Variants in G3BP2 observed in about 807,000 individuals in gnomAD.
The protein encoded by G3BP2 is ras GTPase-activating protein-binding protein 2.
Under a neutral mutation model 56.7 loss-of-function variants are expected in G3BP2, and 11 were observed. The ratio of observed to expected loss-of-function variants is 0.19; its 90% CI spans 0.12 to 0.32. The LOEUF (loss-of-function observed/expected upper bound fraction) is 0.32, where lower values mean the gene tolerates loss of function less well. Among genes scored for constraint, G3BP2 ranks in the 10% least tolerant of loss-of-function variants. The pLI, the probability that G3BP2 is intolerant of heterozygous loss-of-function variation, is 1.00. For synonymous variants in G3BP2, 165 were observed against 191.6 expected, an observed-to-expected ratio of 0.86 and a Z score of 1.15; for missense variants, 340 against 610.9, an observed-to-expected ratio of 0.56 and a Z score of 4.67.
upstream of G3BP2, chr4:75,673,464 G>T: frequency 8.1e-7 from 1 of 1,232,190 alleles, no homozygotes; most frequent in Non-Finnish European, 1.0e-6. Flanking sequence ...TGCCGAAAGG[G>T]CCAGGGAACC....
upstream of G3BP2, chr4:75,673,427 C>G: frequency 1.6e-6 from 2 of 1,232,252 alleles, no homozygotes; most frequent in South Asian, 8.2e-5. Context: ...CCCCCTTTGC[C>G]ACCGCCCCCT....
At chr4:75,665,594 T>C (rs1156772296) in intron 1 of G3BP2, among the ~76,000 whole-genome samples, 2 of 151,210 alleles carry the variant, frequency 1.3e-5, no homozygotes, top group Non-Finnish European at 2.9e-5. Context: ...TAGCCAGACA[T>C]GGTGGTGCAC....
At chr4:75,652,217 T>C (rs956374199) in intron 8 of G3BP2, among the ~76,000 whole-genome samples, 4 of 152,202 alleles carry the variant, frequency 2.6e-5, no homozygotes, top group African/African-American at 7.2e-5. Flanking sequence ...AATATGAAGG[T>C]ATTTTTCTGG....
In G3BP2 at chr4:75,643,295, T is replaced by TTATATATATATATATATA. The variant is rs6148524; in HGVS notation, c.*2117_*2134dup. The stretch of plus-strand genomic sequence containing the variant: ...GCAGGGCAATATCCTGAATTGGAAA[T>TTATATATATATATATATA]TATATATATATATATATATATGGAA... On this transcript the variant is annotated 3_prime_UTR_variant, in exon 12 of 12. Coordinates refer to ENST00000359707, the MANE Select transcript of G3BP2 (RefSeq NM_203505.3). 6.8e-3 allele frequency: 679 copies of TTATATATATATATATATA among 99,828 alleles called. 55 individuals are homozygous for TTATATATATATATATATA. The highest frequency in any genetic ancestry group is 0.01 in the Non-Finnish European group (478 of 46,240). The allele number at this position is 99,828 out of a possible 1,614,324, so 6.2% of individuals were successfully genotyped here. A position where few individuals can be genotyped will look rare whatever the true frequency, so the allele number is the denominator to read the frequency against.
At chr4:75,698,272 G>A (rs1338368996) in intron 3 of G3BP2, among the ~76,000 whole-genome samples, 2 of 152,150 alleles carry the variant, frequency 1.3e-5, no homozygotes, top group Middle Eastern at 3.2e-3. Context: ...AGCCAGTGAA[G>A]GAGATATAAT....
chr4:75,652,081 G>A (rs766698261), intron 8 of G3BP2, among the ~76,000 whole-genome samples: 11 of 152,084 alleles, frequency 7.2e-5, no homozygotes, highest in African/African-American at 7.2e-5. Context: ...ACATTAGAAC[G>A]TTCTTTTAAA....
chr4:75,715,218 A>G (rs1377158717), intron 3 of G3BP2, among the ~76,000 whole-genome samples: 3 of 152,332 alleles, frequency 2.0e-5, no homozygotes, highest in African/African-American at 4.8e-5. Context: ...CAGAGGCTCA[A>G]ATGTTTGCCG....
intron 1 of G3BP2, among the ~76,000 whole-genome samples, chr4:75,667,128 A>G (rs111703381): frequency 0.01 from 1,532 of 152,198 alleles, 27 homozygotes; most frequent in African/African-American, 0.035. Flanking sequence ...CTCTACTAAA[A>G]AATACAAAAA....
Position 75,644,226 on chromosome 4 carries a change from T to C in G3BP2, c.*1204A>G, listed in dbSNP as rs1240714253. The stretch of plus-strand genomic sequence containing the variant: ...GACTTTTCCAAGCCCTGAAGTGATA[T>C]GTTTCAACGTCCACATTCAGGCTAA... On this transcript the variant is annotated 3_prime_UTR_variant, in exon 12 of 12. Coordinates refer to ENST00000359707, the MANE Select transcript of G3BP2 (RefSeq NM_203505.3). 6.6e-6 allele frequency: 1 copy of C among 152,550 alleles called. No homozygotes were observed. The highest frequency in any genetic ancestry group is 1.5e-5 in the Non-Finnish European group (1 of 68,026). The allele number at this position is 152,550 out of a possible 1,614,324, so 9.4% of individuals were successfully genotyped here. A position where few individuals can be genotyped will look rare whatever the true frequency, so the allele number is the denominator to read the frequency against.
intron 3 of G3BP2, among the ~76,000 whole-genome samples, chr4:75,716,517 TTTG>T (rs1403007255): frequency 6.7e-6 from 1 of 150,278 alleles, no homozygotes; most frequent in African/African-American, 2.5e-5. Flanking sequence ...TTGTTTTGTT[TTTG>T]TTGTTGTTTT....
At position 75,655,769 on chromosome 4, in the gene G3BP2, TCA is replaced by T; in HGVS notation, c.542_543del (p.Val181AspfsTer2). On this transcript the variant is annotated frameshift_variant and splice_region_variant, in exon 6 of 12. Transcript: ENST00000359707. LOFTEE classifies it high-confidence loss of function. Reference sequence around the variant, plus strand: ...TAACCTTGCAAATAGTATGCTTACGTCACAGGGTGAGCTTCATAGTAACCACT... The same window carrying T: ...TAACCTTGCAAATAGTATGCTTACGTCAGGGTGAGCTTCATAGTAACCACT... ...ANSGYYEAHPVTNGIEEPLEE... is the reference protein window; with the variant it reads ...ANSGYYEAHPXTNGIEEPLEE... 6.6e-7 allele frequency: 1 copy of T among 1,526,112 alleles called. No individual in the cohort carries two copies. The highest frequency in any genetic ancestry group is 9.1e-7 in the Non-Finnish European group (1 of 1,099,764). The allele number at this position is 1,526,112 out of a possible 1,614,324, so 94.5% of individuals were successfully genotyped here. A position where few individuals can be genotyped will look rare whatever the true frequency, so the allele number is the denominator to read the frequency against.
intron 3 of G3BP2, among the ~76,000 whole-genome samples, chr4:75,708,400 A>C (rs878887970): frequency 6.6e-6 from 1 of 152,178 alleles, no homozygotes; most frequent in Admixed American, 6.6e-5. Flanking sequence ...GCAGAGGGTA[A>C]ACAAATTCTA....
chr4:75,694,515 AATGGCGCGAAC>A (rs1393118920), intron 3 of G3BP2, among the ~76,000 whole-genome samples: 57 of 152,214 alleles, frequency 3.7e-4, no homozygotes, highest in African/African-American at 1.3e-3. Flanking sequence ...GAGGCAGGAG[AATGGCGCGAAC>A]CCGGTAGGCG....
At chr4:75,712,815 T>C (rs1353753928) in intron 3 of G3BP2, among the ~76,000 whole-genome samples, 2 of 152,106 alleles carry the variant, frequency 1.3e-5, no homozygotes, top group Non-Finnish European at 2.9e-5. Flanking sequence ...TATAAGACCA[T>C]TCCATAAAGA....
At chr4:75,707,428 T>C (rs1719591510) in intron 3 of G3BP2, among the ~76,000 whole-genome samples, 1 of 151,386 alleles carries the variant, frequency 6.6e-6, no homozygotes, top group African/African-American at 2.4e-5. Flanking sequence ...AAGGCCACGG[T>C]GAAACCCCGT....
intron 10 of G3BP2, among the ~76,000 whole-genome samples, chr4:75,646,810 T>A (rs866456680): frequency 2.0e-5 from 3 of 152,212 alleles, no homozygotes; most frequent in Non-Finnish European, 4.4e-5. Flanking sequence ...CTGTTTCTTC[T>A]AAACACTACT....
intron 3 of G3BP2, among the ~76,000 whole-genome samples, chr4:75,714,840 C>T (rs1352343573): frequency 6.6e-6 from 1 of 152,080 alleles, no homozygotes; most frequent in Non-Finnish European, 1.5e-5. Context: ...GAACAGTCAG[C>T]CTGTAACCTC....
intron 3 of G3BP2, among the ~76,000 whole-genome samples, chr4:75,707,801 G>A (rs1331711967): frequency 1.3e-5 from 2 of 152,052 alleles, no homozygotes; most frequent in African/African-American, 4.8e-5. Context: ...TTTACTTAGA[G>A]CAGAACTGGA....
chr4:75,716,200 T>G (rs1445731560), intron 3 of G3BP2, among the ~76,000 whole-genome samples: 1 of 152,114 alleles, frequency 6.6e-6, no homozygotes, highest in Non-Finnish European at 1.5e-5. Flanking sequence ...GACACAGTAT[T>G]GCTCTGTCAC....
Sources: allele counts gnomAD v4.1 joint callset (sites outside exome capture counted in the v4.1 genomes callset), GRCh38; gene constraint gnomAD v4.1.1; transcripts MANE v1.5; gene names NCBI Gene and HGNC (gene_info 2026-07-23, HGNC 2026-07-21).